DENND1A: variants seen among roughly 807,000 people sequenced by gnomAD.
DENND1A encodes the protein DENN domain-containing protein 1A.
Under a neutral mutation model 113.7 loss-of-function variants are expected in DENND1A, and 51 were observed. That is an observed-to-expected ratio of 0.45 (90% CI 0.36 to 0.57). The LOEUF is 0.57. DENND1A is among the 20% of genes least tolerant of loss of function. The pLI is 0.00. For synonymous variants in DENND1A, 565 were observed against 570.8 expected, an observed-to-expected ratio of 0.99 and a Z score of 0.14; for missense variants, 1,258 against 1,395.9, an observed-to-expected ratio of 0.90 and a Z score of 1.57.
At position 123,929,776 on chromosome 9, in the gene DENND1A, GGCGCCCCT is replaced by G. The variant is rs1472404567; in HGVS notation, c.17+105_17+112del. 2.3e-5 allele frequency: 4 copies of G among 170,430 alleles called. No individual in the cohort carries two copies. The East Asian group carries it at 7.0e-4, about 30-fold the overall frequency. The allele number at this position is 170,430 out of a possible 1,614,324, so 10.6% of individuals were successfully genotyped here. On this transcript the variant is annotated intron_variant, in intron 1 of 23. Coordinates refer to ENST00000394215, the MANE Select transcript of DENND1A (RefSeq NM_001352964.2). ...CTCCCCGCGTGCCGGCGTCACGCGG[GGCGCCCCT>G]CTGGTCTCGGCAACAAGTCCCCCGC... is the stretch of plus-strand genomic sequence containing the variant.
chr9:123,664,283 A>C (rs2063389555), intron 8 of DENND1A, among the ~76,000 whole-genome samples: 1 of 152,152 alleles, frequency 6.6e-6, no homozygotes, highest in Non-Finnish European at 1.5e-5. Context: ...TTCAAGTTAT[A>C]ATTCTATATT....
intron 2 of DENND1A, among the ~76,000 whole-genome samples, chr9:123,853,880 G>T (rs574946242): frequency 6.6e-6 from 1 of 151,992 alleles, no homozygotes; most frequent in African/African-American, 2.4e-5. Flanking sequence ...TCAATGGGCC[G>T]GAAAATGTCT....
At chr9:123,627,761 G>C (rs916012069) in intron 10 of DENND1A, among the ~76,000 whole-genome samples, 1 of 136,076 alleles carries the variant, frequency 7.3e-6, no homozygotes, top group Non-Finnish European at 1.6e-5. Flanking sequence ...AAAAAAAAGA[G>C]AGAGAGAGCG....
At chr9:123,706,787 A>AT (rs1372543614) in intron 5 of DENND1A, among the ~76,000 whole-genome samples, 1 of 151,290 alleles carries the variant, frequency 6.6e-6, no homozygotes, top group Non-Finnish European at 1.5e-5. Context: ...AAAAAAAAAA[A>AT]AAAAAAAAAA....
Position 123,381,169 on chromosome 9 carries a change from A to T in DENND1A, c.*263T>A. On this transcript the variant is annotated 3_prime_UTR_variant, in exon 24 of 24. Coordinates refer to ENST00000394215, the MANE Select transcript of DENND1A (RefSeq NM_001352964.2). This position sits in a 1 kb window ranked among gnomAD's most constrained non-coding sequence, Gnocchi z 4.7. ...GCTGACCTCTTTAGTGCAAAACCCA[A>T]TCAAGGGTGCCGAGGAGAGGCAACC... 1 of 528,408 alleles carries T rather than the reference A, an allele frequency of 1.9e-6. No individual in the cohort carries two copies. Among genetic ancestry groups the T allele is most frequent in the Non-Finnish European group, 3.4e-6 (1 of 292,698 alleles). The allele number at this position is 528,408 out of a possible 1,614,324, so 32.7% of individuals were successfully genotyped here.
At chr9:123,502,407 T>A (rs2052568348) in intron 13 of DENND1A, among the ~76,000 whole-genome samples, 1 of 152,254 alleles carries the variant, frequency 6.6e-6, no homozygotes, top group Admixed American at 6.5e-5. Context: ...TGAGGTGGTA[T>A]CTCATTGTCA....
chr9:123,457,833 T>A lies in DENND1A; in HGVS notation c.1058A>T (p.Gln353Leu), dbSNP rs1487601881. 1.9e-6 allele frequency: 3 copies of A among 1,612,832 alleles called. No individual in the cohort carries two copies. Among genetic ancestry groups the A allele is most frequent in the South Asian group, 1.1e-5 (1 of 90,640 alleles). ...CAGCTGTGTGGCGTTCTGCAGGAAC[T>A]GCCTCATGGCTCCGGAGCGGTAGTG... is the stretch of plus-strand genomic sequence containing the variant. Reference protein sequence around the residue: ...VSHYRSGAMRQFLQNATQLQL... With the variant: ...VSHYRSGAMRLFLQNATQLQL... The change falls in exon 14 of 24, where the codon CAG becomes CTG. Residue 353 changes from glutamine to leucine, a missense_variant. By Grantham distance (113) the Gln-to-Leu change is moderately radical. This residue lies in a region of DENND1A where 1,159 missense variants were observed against 1,231.7 expected (regional missense o/e 0.94). Coordinates refer to ENST00000394215, the MANE Select transcript of DENND1A (RefSeq NM_001352964.2).
intron 5 of DENND1A, among the ~76,000 whole-genome samples, chr9:123,708,901 C>T (rs1314976569): frequency 6.6e-6 from 1 of 152,190 alleles, no homozygotes; most frequent in Admixed American, 6.5e-5. Flanking sequence ...TTGGCTTTGA[C>T]TTTACTGTTA....
intron 1 of DENND1A, 120 bp downstream of exon 1, chr9:123,929,769 C>A: frequency 5.9e-6 from 1 of 169,126 alleles, no homozygotes; most frequent in Non-Finnish European, 1.2e-5. Context: ...GTGCCGGCGT[C>A]ACGCGGGGCG....
chr9:123,802,705 C>CTT (rs559650822), intron 2 of DENND1A, among the ~76,000 whole-genome samples: 13 of 144,718 alleles, frequency 9.0e-5, no homozygotes, highest in Admixed American at 6.2e-4. Context: ...TCACTACTGC[C>CTT]TTTTTTTTTT....
intron 2 of DENND1A, among the ~76,000 whole-genome samples, chr9:123,814,988 T>G (rs1037704097): frequency 6.6e-6 from 1 of 152,170 alleles, no homozygotes; most frequent in East Asian, 1.9e-4. Context: ...GCAAATGAAA[T>G]TAAAGGAATT....
intron 1 of DENND1A, among the ~76,000 whole-genome samples, chr9:123,885,397 C>T (rs1473656873): frequency 6.6e-6 from 1 of 152,220 alleles, no homozygotes; most frequent in Non-Finnish European, 1.5e-5. Context: ...TAGTCTGACA[C>T]CTGGCTCAAT....
At chr9:123,412,074 T>A (rs1330861002) in intron 19 of DENND1A, among the ~76,000 whole-genome samples, 1 of 151,084 alleles carries the variant, frequency 6.6e-6, no homozygotes, top group East Asian at 2.0e-4. Context: ...AGCTCCGCCC[T>A]CCACCATGCT....
intron 13 of DENND1A, among the ~76,000 whole-genome samples, chr9:123,544,368 T>G (rs151079194): frequency 6.6e-6 from 1 of 152,232 alleles, no homozygotes; most frequent in African/African-American, 2.4e-5. Context: ...CCTTGCAAAA[T>G]AGTTTATAAA....
At chr9:123,897,834 A>G (rs1227836589) in intron 1 of DENND1A, among the ~76,000 whole-genome samples, 1 of 151,574 alleles carries the variant, frequency 6.6e-6, no homozygotes, top group Non-Finnish European at 1.5e-5. Context: ...CAGATGTGGC[A>G]GTGTGCACAG....
At chr9:123,775,545 C>T (rs1830344887) in intron 3 of DENND1A, among the ~76,000 whole-genome samples, 1 of 151,962 alleles carries the variant, frequency 6.6e-6, no homozygotes, top group Non-Finnish European at 1.5e-5. Flanking sequence ...AAAAAGAGCA[C>T]TGATAGAAAT....
At chr9:123,884,915 C>T (rs1848793857) in intron 1 of DENND1A, among the ~76,000 whole-genome samples, 1 of 152,046 alleles carries the variant, frequency 6.6e-6, no homozygotes, top group African/African-American at 2.4e-5. Context: ...TTTCACTTGA[C>T]AAACTCAGGC....
intron 19 of DENND1A, among the ~76,000 whole-genome samples, chr9:123,429,704 AT>A (rs1446233518): frequency 6.6e-6 from 1 of 152,240 alleles, no homozygotes; most frequent in African/African-American, 2.4e-5. Context: ...CCCAAGATGG[AT>A]TAAAGACCTA....
intron 8 of DENND1A, among the ~76,000 whole-genome samples, chr9:123,658,929 T>C (rs1378067594): frequency 6.6e-6 from 1 of 152,198 alleles, no homozygotes; most frequent in African/African-American, 2.4e-5. Context: ...CCAGGCAGCA[T>C]CTCAATGCTC....
Sources: gnomAD v4.1 joint callset for allele counts (sites outside exome capture counted in the v4.1 genomes callset) on GRCh38, gnomAD v4.1.1 for gene constraint, gnomAD v4.1.1 regional missense constraint, Gnocchi (gnomAD v3.1) non-coding constraint, MANE v1.5 for transcripts, NCBI Gene and HGNC (gene_info 2026-07-23, HGNC 2026-07-21) for gene names.